RYR2: variants seen among roughly 807,000 people sequenced by gnomAD.
RYR2 encodes the protein cardiac muscle ryanodine receptor-calcium release channel.
In RYR2, 227 loss-of-function variants were observed where a neutral mutation model predicts 601.1. That is an observed-to-expected ratio of 0.38 (90% CI 0.34 to 0.42). The LOEUF is 0.42. Ranked by LOEUF, RYR2 falls within the 10% of genes least tolerant of loss-of-function variation. The pLI is 1.00. For synonymous variants in RYR2, 2,223 were observed against 2,175.1 expected (o/e 1.02, Z -0.61); for missense variants, 4,646 against 6,156.5 (o/e 0.75, Z 8.21).
intron 89 of RYR2, among the ~76,000 whole-genome samples, chr1:237,782,448 C>A (rs557684875): frequency 6.6e-6 from 1 of 152,172 alleles, no homozygotes; most frequent in Non-Finnish European, 1.5e-5. Flanking sequence ...TTCTTAACTT[C>A]TTCCTATTTT....
intron 2 of RYR2, among the ~76,000 whole-genome samples, chr1:237,274,951 G>A (rs1442691185): frequency 6.6e-6 from 1 of 151,880 alleles, no homozygotes; most frequent in African/African-American, 2.4e-5. Flanking sequence ...TACCATTTAG[G>A]TTTGTATTAC....
At chr1:237,807,413 C>T (rs774215828) in intron 99 of RYR2, among the ~76,000 whole-genome samples, 59 of 152,302 alleles carry the variant, frequency 3.9e-4, no homozygotes, top group Non-Finnish European at 4.9e-4. Flanking sequence ...TGCGGCGGCG[C>T]GATCTCGGCT....
rs933147211 is a variant in RYR2, at chr1:237,648,317, T to C, written c.7343-127T>C. On this transcript the variant is annotated intron_variant, in intron 48 of 104. Coordinates refer to ENST00000366574, the MANE Select transcript of RYR2 (RefSeq NM_001035.3). ...AACTCCCATAATAGCTTGAGGGTAG[T>C]CGAAGAACAGAAAGCCATTTCATTG... 9.8e-5 allele frequency: 82 copies of C among 840,680 alleles called. No homozygotes were observed. The African/African-American group carries it at 1.3e-3, about 13-fold the overall frequency. 52.1% of individuals were successfully genotyped at this position (840,680 alleles called of 1,614,324 possible).
At chr1:237,541,948 G>T (rs1294119271) in intron 25 of RYR2, among the ~76,000 whole-genome samples, 6 of 152,138 alleles carry the variant, frequency 3.9e-5, no homozygotes, top group African/African-American at 1.4e-4. Context: ...TGATTCTTCA[G>T]TTACTTCAGG....
chr1:237,407,515 A>G (rs913138417), intron 10 of RYR2, among the ~76,000 whole-genome samples: 2 of 152,180 alleles, frequency 1.3e-5, no homozygotes, highest in African/African-American at 4.8e-5. Flanking sequence ...AAATGTTGAC[A>G]TATGACATTG....
At chr1:237,201,936 G>T (rs111951184) in intron 1 of RYR2, among the ~76,000 whole-genome samples, 2 of 152,140 alleles carry the variant, frequency 1.3e-5, no homozygotes, top group African/African-American at 4.8e-5. Context: ...CTTGCCAGAT[G>T]AATCAACAAA....
intron 17 of RYR2, among the ~76,000 whole-genome samples, chr1:237,489,883 T>C (rs1260333149): frequency 1.3e-5 from 2 of 152,194 alleles, no homozygotes; most frequent in Non-Finnish European, 2.9e-5. Flanking sequence ...ATGTCATCAA[T>C]CTAGGTACCC....
At chr1:237,353,469 A>T (rs1316813174) in intron 3 of RYR2, among the ~76,000 whole-genome samples, 1 of 148,728 alleles carries the variant, frequency 6.7e-6, no homozygotes, top group Non-Finnish European at 1.5e-5. Context: ...AGATTTCACC[A>T]CTGCATTCCA....
intron 78 of RYR2, among the ~76,000 whole-genome samples, chr1:237,732,580 A>G (rs1452865628): frequency 6.6e-6 from 1 of 152,230 alleles, no homozygotes; most frequent in Admixed American, 6.5e-5. Flanking sequence ...TAAGTGAGCC[A>G]TCACCTCAAC....
chr1:237,184,593 CAT>C (rs1278942669), intron 1 of RYR2, among the ~76,000 whole-genome samples: 2 of 152,240 alleles, frequency 1.3e-5, no homozygotes, highest in East Asian at 1.9e-4. Flanking sequence ...AAAAATAATA[CAT>C]AGTCTACTTT....
chr1:237,709,085 G>T lies in RYR2; in HGVS notation c.10129G>T (p.Val3377Leu). 6.3e-7 allele frequency: 1 copy of T among 1,585,658 alleles called. No individual in the cohort carries two copies. The change falls in exon 69 of 105, where the codon GTG (valine) becomes TTG (leucine). Residue 3377 changes from valine (V) to leucine (L), a missense_variant. Transcript: ENST00000366574. The part of the protein sequence containing the change: ...YAFYPLLIRF[V>L]DYNRAKWLKE... Reference sequence around the variant, plus strand: ...CTTCTACCCTCTCTTGATTAGATTTGTGGACTATAACAGGTATGATCAAAA... The same window carrying T: ...CTTCTACCCTCTCTTGATTAGATTTTTGGACTATAACAGGTATGATCAAAA...
chr1:237,197,720 T>A (rs929902383), intron 1 of RYR2, among the ~76,000 whole-genome samples: 2 of 152,082 alleles, frequency 1.3e-5, no homozygotes, highest in Admixed American at 6.5e-5. Context: ...GTGGAGGGAA[T>A]AGGAAGCAAA....
intron 27 of RYR2, among the ~76,000 whole-genome samples, chr1:237,563,757 G>A (rs2805388): frequency 0.53 from 79,802 of 151,708 alleles, 23,041 homozygotes; most frequent in Admixed American, 0.66. Flanking sequence ...TTTTTATACC[G>A]AATTTGCCTT....
At chr1:237,275,428 A>G (rs1690167111) in intron 2 of RYR2, among the ~76,000 whole-genome samples, 2 of 152,144 alleles carry the variant, frequency 1.3e-5, no homozygotes, top group Non-Finnish European at 2.9e-5. Context: ...AAGAAAGCAG[A>G]TGTCTTTATC....
At chr1:237,612,485 T>C (rs1677991413) in intron 36 of RYR2, among the ~76,000 whole-genome samples, 1 of 152,168 alleles carries the variant, frequency 6.6e-6, no homozygotes, top group Admixed American at 6.5e-5. Flanking sequence ...AAAATTAATC[T>C]GGCTAGTTAA....
chr1:237,301,280 T>C (rs577925833), intron 2 of RYR2, among the ~76,000 whole-genome samples: 57 of 152,320 alleles, frequency 3.7e-4, no homozygotes, highest in African/African-American at 1.4e-3. Context: ...CATTCAAATC[T>C]GTAAAACTCA....
rs1428049687 is a variant in RYR2, at chr1:237,042,191, C to G, written c.-331C>G. 1.3e-5 allele frequency: 2 copies of G among 152,436 alleles called. No individual in the cohort carries two copies. Among genetic ancestry groups the G allele is most frequent in the Non-Finnish European group, 2.9e-5 (2 of 68,826 alleles). The allele number at this position is 152,436 out of a possible 1,614,324, so 9.4% of individuals were successfully genotyped here. ...GCTCAGCTGGCTCCGCGCACTTGCT[C>G]GGAGGAGCCGGGGCCGAGCGGACCG... On this transcript the variant is annotated 5_prime_UTR_variant, in exon 1 of 105. Transcript: ENST00000366574.
At chr1:237,310,078 G>C (rs996734696) in intron 2 of RYR2, among the ~76,000 whole-genome samples, 1 of 152,220 alleles carries the variant, frequency 6.6e-6, no homozygotes, top group South Asian at 2.1e-4. Context: ...GCAGCAGGCT[G>C]AAACGCTCCT....
chr1:237,630,440 C>G (rs1680128674), intron 41 of RYR2, among the ~76,000 whole-genome samples: 1 of 151,936 alleles, frequency 6.6e-6, no homozygotes, highest in Admixed American at 6.6e-5. Flanking sequence ...ATCTAAAAGC[C>G]CTGTTCATTA....
Sources: allele counts gnomAD v4.1 joint callset (sites outside exome capture counted in the v4.1 genomes callset), GRCh38; gene constraint gnomAD v4.1.1; transcripts MANE v1.5; gene names NCBI Gene and HGNC (gene_info 2026-07-23, HGNC 2026-07-21).